VPS54: variants seen among roughly 807,000 people sequenced by gnomAD.
The protein encoded by VPS54 is VPS54 subunit of GARP complex.
In VPS54, 45 loss-of-function variants were observed where a neutral mutation model predicts 121.5. That is an observed-to-expected ratio of 0.37 (90% CI 0.29 to 0.47). The LOEUF is 0.47. Among genes scored for constraint, VPS54 ranks in the 20% least tolerant of loss-of-function variants. The probability of loss-of-function intolerance (pLI) is 0.99; values close to 1 mark genes in which losing one functional copy is unlikely to be tolerated. For missense variants in VPS54, 1,090 were observed against 1,131.4 expected (o/e 0.96, Z 0.52); for synonymous variants, 371 against 385.8 (o/e 0.96, Z 0.45).
At chr2:63,913,651 A>G (rs1673252073) in intron 17 of VPS54, among the ~76,000 whole-genome samples, 1 of 152,228 alleles carries the variant, frequency 6.6e-6, no homozygotes, top group Non-Finnish European at 1.5e-5. Context: ...TGGCTAAAAC[A>G]TGACAACTCA....
At chr2:63,988,781 C>A (rs2104635292) in intron 1 of VPS54, among the ~76,000 whole-genome samples, 1 of 152,018 alleles carries the variant, frequency 6.6e-6, no homozygotes, top group South Asian at 2.1e-4. Flanking sequence ...TATGTTTGAA[C>A]AATATGAAAT....
chr2:63,919,844 T>C (rs200619402), intron 15 of VPS54, 39 bp downstream of exon 15: 126 of 1,438,546 alleles, frequency 8.8e-5, no homozygotes, highest in Non-Finnish European at 1.9e-5. Context: ...AAATAAACAA[T>C]ATAAAATTGA....
intron 5 of VPS54, among the ~76,000 whole-genome samples, 159 bp from the exon 6 acceptor site, chr2:63,966,125 G>A (rs1442924600): frequency 2.0e-5 from 3 of 152,002 alleles, no homozygotes; most frequent in Admixed American, 6.6e-5. Flanking sequence ...ATATCTATAA[G>A]AAAAATGTGT....
intron 13 of VPS54, among the ~76,000 whole-genome samples, chr2:63,920,936 AAAC>A (rs1481247666): frequency 2.6e-5 from 4 of 152,116 alleles, no homozygotes; most frequent in East Asian, 1.9e-4. Context: ...TATATATGTA[AAAC>A]AACATTAATT....
chr2:64,006,315 A>G (rs1437935068), intron 1 of VPS54, among the ~76,000 whole-genome samples: 6 of 152,224 alleles, frequency 3.9e-5, no homozygotes, highest in Admixed American at 3.9e-4. Context: ...TAAATCCAAA[A>G]TATATTTCCT....
At chr2:63,917,531 A>G (rs1205783647) in intron 15 of VPS54, among the ~76,000 whole-genome samples, 1 of 151,996 alleles carries the variant, frequency 6.6e-6, no homozygotes, top group African/African-American at 2.4e-5. Flanking sequence ...CAGCATATTG[A>G]GGTGAAAAGA....
chr2:63,919,943 G>C lies in VPS54; in HGVS notation c.2104C>G (p.Gln702Glu). The C allele has an allele frequency of 6.2e-7, 1 of 1,612,234 alleles. No homozygotes were observed. The highest frequency in any genetic ancestry group is 8.5e-7 in the Non-Finnish European group (1 of 1,178,816). ...WKQADVPAEF[Q>E]DLVDSLSDGK... ...TCTGACAGAGAATCAACAAGATCCTGAAATTCTGCAGGAACATCTGCTTGC... is the reference window on the plus strand; with the variant it reads ...TCTGACAGAGAATCAACAAGATCCTCAAATTCTGCAGGAACATCTGCTTGC... The change falls in exon 15 of 23, where the codon CAG becomes GAG. Residue 702 changes from glutamine (Q) to glutamate (E), a missense_variant. Physicochemically the swap from Gln to Glu is conservative, Grantham distance 29. Around this residue, in one of 2 missense-constraint regions of VPS54, gnomAD observed 289 missense variants for 374.4 expected, o/e 0.77. Coordinates refer to ENST00000272322, the MANE Select transcript of VPS54 (RefSeq NM_016516.3).
intron 7 of VPS54, among the ~76,000 whole-genome samples, chr2:63,959,062 T>C (rs1201523747): frequency 6.6e-6 from 1 of 152,214 alleles, no homozygotes; most frequent in African/African-American, 2.4e-5. Context: ...TAATACATAT[T>C]GTACTGGATA....
chr2:63,928,981 T>G lies in VPS54; in HGVS notation c.1739+4692A>C, dbSNP rs531529578. Among the ~76,000 whole-genome samples, 5 of 152,120 alleles carry G rather than the reference T, an allele frequency of 3.3e-5. No individual in the cohort carries two copies. In the South Asian group the frequency reaches 1.0e-3, roughly 32 times the overall value. Reference sequence around the variant, plus strand: ...CAAGAAGAACTAACTATCCTAAATATATATACAACCAATACAGGAGCACCC... The same window carrying G: ...CAAGAAGAACTAACTATCCTAAATAGATATACAACCAATACAGGAGCACCC... On this transcript the variant is annotated intron_variant, in intron 12 of 22. Coordinates refer to ENST00000272322, the MANE Select transcript of VPS54 (RefSeq NM_016516.3).
Position 63,982,880 on chromosome 2 carries a change from T to C in VPS54, c.136+984A>G, listed in dbSNP as rs59322948. 1.0e-2 allele frequency among the ~76,000 whole-genome samples: 1,518 copies of C among 152,298 alleles called. 21 individuals carry two copies. The highest frequency in any genetic ancestry group is 0.035 in the African/African-American group (1,455 of 41,564). On this transcript the variant is annotated intron_variant, in intron 2 of 22. Coordinates refer to ENST00000272322, the MANE Select transcript of VPS54 (RefSeq NM_016516.3). ...TTGTTCAACTTCAGCTGGGAATGCA[T>C]GTGTCAGGTATCTCAAATCTTTCAC...
At chr2:63,955,407 TA>T (rs1229493464) in intron 7 of VPS54, among the ~76,000 whole-genome samples, 1 of 152,044 alleles carries the variant, frequency 6.6e-6, no homozygotes, top group Non-Finnish European at 1.5e-5. Context: ...CAAGTATAAA[TA>T]ATCTTCAACA....
chr2:64,009,918 T>A (rs549921718), intron 1 of VPS54, among the ~76,000 whole-genome samples: 1 of 151,694 alleles, frequency 6.6e-6, no homozygotes, highest in Non-Finnish European at 1.5e-5. Flanking sequence ...CTCGGCTCAC[T>A]GCAACTTCCT....
chr2:63,967,229 G>C (rs946819159), intron 5 of VPS54, among the ~76,000 whole-genome samples: 1 of 151,762 alleles, frequency 6.6e-6, no homozygotes, highest in Non-Finnish European at 1.5e-5. Flanking sequence ...GAATGAATAT[G>C]GTAGGAAAAA....
intron 20 of VPS54, among the ~76,000 whole-genome samples, chr2:63,907,348 G>C (rs1022951581): frequency 6.6e-6 from 1 of 151,752 alleles, no homozygotes; most frequent in African/African-American, 2.4e-5. Flanking sequence ...GAGAAACCTC[G>C]TCTCTATTAA....
Position 63,893,501 on chromosome 2 carries a change from T to A in VPS54, c.2863A>T (p.Asn955Tyr). The A allele has an allele frequency of 6.2e-7, 1 of 1,614,064 alleles. No individual in the cohort carries two copies. The highest frequency in any genetic ancestry group is 8.5e-7 in the Non-Finnish European group (1 of 1,179,978). ...VTADVAFYTG[N>Y]LQALKGLKDL... ...TTAAGGCCTTTTAAGGCTTGAAGAT[T>A]TCCAGTGTAAAAAGCTACATCTGCT... Residue 955 changes from asparagine (N) to tyrosine (Y), a missense_variant, in exon 23 of 23, where the codon AAT becomes TAT. Coordinates refer to ENST00000272322, the MANE Select transcript of VPS54 (RefSeq NM_016516.3).
chr2:63,947,364 A>G lies in VPS54; in HGVS notation c.1245+19T>C. 1 of 1,524,138 alleles carries G rather than the reference A, an allele frequency of 6.6e-7. No individual in the cohort carries two copies. The highest frequency in any genetic ancestry group is 1.2e-5 in the South Asian group (1 of 84,124). 94.4% of individuals were successfully genotyped at this position (1,524,138 alleles called of 1,614,324 possible). On this transcript the variant is annotated intron_variant, in intron 9 of 22. Coordinates refer to ENST00000272322, the MANE Select transcript of VPS54 (RefSeq NM_016516.3). ...AAAGGTTCCAGACCAAAATATGTCA[A>G]ATAAAAATGCATAATTACCTGTTTA... is the stretch of plus-strand genomic sequence containing the variant.
rs138771728 is a variant in VPS54 at position 63,963,753 on chromosome 2, G to A, written c.625-1310C>T. ...ATTTATTCACTAAAAAAGCAAAATG[G>A]GCACAAATATACTAGGGTAAATTGC... On this transcript the variant is annotated intron_variant, in intron 6 of 22. Transcript: ENST00000272322. Among the ~76,000 whole-genome samples, 740 of 152,008 alleles carry A rather than the reference G, an allele frequency of 4.9e-3. 10 individuals are homozygous for A. The highest frequency in any genetic ancestry group is 0.017 in the African/African-American group (687 of 41,490).
intron 7 of VPS54, among the ~76,000 whole-genome samples, chr2:63,955,403 T>C (rs1291130598): frequency 6.6e-6 from 1 of 152,046 alleles, no homozygotes; most frequent in East Asian, 1.9e-4. Flanking sequence ...ACCTCAAGTA[T>C]AAATAATCTT....
At position 63,893,354 on chromosome 2, in the gene VPS54, A is replaced by G; in HGVS notation, c.*76T>C. On this transcript the variant is annotated 3_prime_UTR_variant, in exon 23 of 23. Coordinates refer to ENST00000272322, the MANE Select transcript of VPS54 (RefSeq NM_016516.3). ...TTTGGGTTTCAGGTTCAATTCTCGA[A>G]TCACAGGCATCCAGATTTTCTTCAT... 1 of 1,290,768 alleles carries G rather than the reference A, an allele frequency of 7.7e-7. No individual in the cohort carries two copies. Among genetic ancestry groups the G allele is most frequent in the Non-Finnish European group, 1.1e-6 (1 of 885,326 alleles). The allele number at this position is 1,290,768 out of a possible 1,614,324, so 80.0% of individuals were successfully genotyped here.
Sources: gnomAD v4.1 joint callset for allele counts (sites outside exome capture counted in the v4.1 genomes callset) on GRCh38, gnomAD v4.1.1 for gene constraint, gnomAD v4.1.1 regional missense constraint, MANE v1.5 for transcripts, NCBI Gene and HGNC (gene_info 2026-07-23, HGNC 2026-07-21) for gene names.